ELAPOR1: variants seen among roughly 807,000 people sequenced by gnomAD.
ELAPOR1 encodes endosome/lysosome-associated apoptosis and autophagy regulator 1.
In ELAPOR1, 77 loss-of-function variants were observed where a neutral mutation model predicts 119.7. The ratio of observed to expected loss-of-function variants is 0.64; its 90% CI spans 0.54 to 0.78. The LOEUF (loss-of-function observed/expected upper bound fraction) is 0.78. Ranked by LOEUF, ELAPOR1 falls within the 30% of genes least tolerant of loss-of-function variation. ELAPOR1 has a pLI of 0.00. For synonymous variants in ELAPOR1, 481 were observed against 487.2 expected, an observed-to-expected ratio of 0.99 and a Z score of 0.17; for missense variants, 1,115 against 1,270.4, an observed-to-expected ratio of 0.88 and a Z score of 1.86.
At chr1:109,151,270 G>A (rs1158684551) in intron 1 of ELAPOR1, among the ~76,000 whole-genome samples, 1 of 152,118 alleles carries the variant, frequency 6.6e-6, no homozygotes, top group Non-Finnish European at 1.5e-5. Context: ...AGGCCTCAGA[G>A]GTCTAGAGCT....
chr1:109,129,507 G>A (rs186553715), intron 1 of ELAPOR1, among the ~76,000 whole-genome samples: 67 of 152,250 alleles, frequency 4.4e-4, no homozygotes, highest in Admixed American at 2.7e-3. Context: ...GTGAGACTCC[G>A]TCTCAAAAAA....
intron 5 of ELAPOR1, among the ~76,000 whole-genome samples, chr1:109,173,049 A>C (rs528533429): frequency 8.1e-5 from 12 of 147,818 alleles, no homozygotes; most frequent in African/African-American, 3.0e-4. Context: ...GTGAGCTGAG[A>C]TCGAGCCATT....
At chr1:109,173,269 G>A (rs1304269650) in intron 5 of ELAPOR1, among the ~76,000 whole-genome samples, 7 of 152,096 alleles carry the variant, frequency 4.6e-5, no homozygotes, top group African/African-American at 1.4e-4. Flanking sequence ...AGGGAGTGGT[G>A]GGAGGGTTGT....
chr1:109,142,287 G>T (rs918512526), intron 1 of ELAPOR1, among the ~76,000 whole-genome samples: 5 of 152,186 alleles, frequency 3.3e-5, no homozygotes, highest in Admixed American at 2.0e-4. Flanking sequence ...ACTAGAAGAC[G>T]TATAGGTAGA....
intron 1 of ELAPOR1, among the ~76,000 whole-genome samples, chr1:109,124,931 T>TC (rs1355904043): frequency 6.6e-6 from 1 of 151,964 alleles, no homozygotes; most frequent in African/African-American, 2.4e-5. Context: ...GTGTGGTCTC[T>TC]CTTTTTTTTT....
At chr1:109,115,534 C>T (rs1484547272) in intron 1 of ELAPOR1, among the ~76,000 whole-genome samples, 2 of 152,178 alleles carry the variant, frequency 1.3e-5, no homozygotes, top group East Asian at 3.8e-4. Context: ...CCACCTCGGC[C>T]TCCCAAAGTG....
intron 1 of ELAPOR1, among the ~76,000 whole-genome samples, chr1:109,121,291 C>T (rs960636030): frequency 8.6e-5 from 13 of 151,856 alleles, no homozygotes; most frequent in African/African-American, 2.9e-4. Flanking sequence ...GGATTACAGG[C>T]ATCTGCCATC....
intron 18 of ELAPOR1, among the ~76,000 whole-genome samples, 174 bp from the exon 19 acceptor site, chr1:109,199,680 G>A (rs571461784): frequency 6.6e-6 from 1 of 152,338 alleles, no homozygotes; most frequent in East Asian, 1.9e-4. Context: ...CCTCTTATCA[G>A]TGAAATCAGA....
Position 109,189,275 on chromosome 1 carries a change from G to T in ELAPOR1, c.1348+81G>T, listed in dbSNP as rs1394407444. The T allele has an allele frequency of 5.3e-6, 8 of 1,506,382 alleles. No individual in the cohort carries two copies. The East Asian group carries it at 1.9e-4, about 36-fold the overall frequency. The allele number at this position is 1,506,382 out of a possible 1,614,324, so 93.3% of individuals were successfully genotyped here. ...TCCAACTTCACATTTCTTCATAATA[G>T]TGATGTCTGAGAAAAATAAGCTAAC... On this transcript the variant is annotated intron_variant, in intron 10 of 21. Coordinates refer to ENST00000369939, the MANE Select transcript of ELAPOR1 (RefSeq NM_020775.5).
chr1:109,132,922 T>C (rs1371524105), intron 1 of ELAPOR1, among the ~76,000 whole-genome samples: 1 of 151,512 alleles, frequency 6.6e-6, no homozygotes, highest in East Asian at 1.9e-4. Flanking sequence ...AAAATAAAAA[T>C]TATGGCAGAA....
intron 5 of ELAPOR1, among the ~76,000 whole-genome samples, chr1:109,172,849 C>T (rs1350957563): frequency 6.6e-6 from 1 of 152,080 alleles, no homozygotes; most frequent in African/African-American, 2.4e-5. Context: ...AATCCCAGCA[C>T]TTTGGGAGGT....
At chr1:109,127,930 G>A (rs1406441802) in intron 1 of ELAPOR1, among the ~76,000 whole-genome samples, 1 of 151,126 alleles carries the variant, frequency 6.6e-6, no homozygotes, top group Non-Finnish European at 1.5e-5. Flanking sequence ...CTAACGTGCA[G>A]TAGCTTGATC....
chr1:109,172,585 C>G lies in ELAPOR1; in HGVS notation c.696+17C>G, dbSNP rs201025594. ...TTCCACAGTGTGAGTATCACACCAG[C>G]CTTCTCCCAGAGATCCCAGAAAAGG... On this transcript the variant is annotated intron_variant, in intron 5 of 21. Coordinates refer to ENST00000369939, the MANE Select transcript of ELAPOR1 (RefSeq NM_020775.5). 7.0e-5 allele frequency: 111 copies of G among 1,593,330 alleles called. No homozygotes were observed. Among genetic ancestry groups the G allele is most frequent in the South Asian group, 3.0e-4 (27 of 90,600 alleles).
intron 3 of ELAPOR1, among the ~76,000 whole-genome samples, chr1:109,165,816 C>T (rs1651565399): frequency 6.7e-6 from 1 of 150,220 alleles, no homozygotes; most frequent in Admixed American, 6.6e-5. Context: ...GCCATCTTGG[C>T]TCGCCACAAG....
chr1:109,187,993 T>C (rs1019600154), intron 8 of ELAPOR1, 184 bp from the exon 9 acceptor site: 19 of 1,359,924 alleles, frequency 1.4e-5, no homozygotes, highest in South Asian at 2.0e-5. Context: ...AACACAACCA[T>C]GACTCAGGCA....
At chr1:109,133,635 T>C (rs899209130) in intron 1 of ELAPOR1, among the ~76,000 whole-genome samples, 3 of 152,232 alleles carry the variant, frequency 2.0e-5, no homozygotes, top group African/African-American at 7.2e-5. Flanking sequence ...ATGTGTGAAG[T>C]AGAAGTGGAA....
chr1:109,141,003 C>T (rs927492358), intron 1 of ELAPOR1, among the ~76,000 whole-genome samples: 28 of 151,998 alleles, frequency 1.8e-4, no homozygotes, highest in African/African-American at 5.8e-4. Context: ...AGGCATGCAC[C>T]ACCACATCCA....
chr1:109,169,994 G>A (rs1651830346), intron 3 of ELAPOR1, among the ~76,000 whole-genome samples: 1 of 152,216 alleles, frequency 6.6e-6, no homozygotes, highest in Non-Finnish European at 1.5e-5. Flanking sequence ...TTATGCAGTA[G>A]TAAAGACGAA....
At chr1:109,189,225 C>A in intron 10 of ELAPOR1, 31 bp downstream of exon 10, 2 of 1,605,486 alleles carry the variant, frequency 1.2e-6, no homozygotes, top group South Asian at 2.2e-5. Context: ...CATGAGCTGT[C>A]AGCTCCCTGC....
Sources: gnomAD v4.1 joint callset for allele counts (sites outside exome capture counted in the v4.1 genomes callset) on GRCh38, gnomAD v4.1.1 for gene constraint, MANE v1.5 for transcripts, NCBI Gene and HGNC (gene_info 2026-07-23, HGNC 2026-07-21) for gene names.